SUCLG1: variants seen among roughly 807,000 people sequenced by gnomAD.
SUCLG1 encodes the protein succinate--CoA ligase [ADP/GDP-forming] subunit alpha, mitochondrial.
Under a neutral mutation model 37.3 loss-of-function variants are expected in SUCLG1, and 26 were observed. That is an observed-to-expected ratio of 0.70 (90% confidence interval 0.51 to 0.97). The LOEUF is 0.97. SUCLG1 is among the 50% of genes least tolerant of loss of function. The pLI is 0.00. For missense variants in SUCLG1, 433 were observed against 432.9 expected (o/e 1.00, Z 0.00); for synonymous variants, 163 against 155.6 (o/e 1.05, Z -0.36).
At chr2:84,448,780 A>G (rs891294325) in intron 2 of SUCLG1, 1 of 170,756 alleles carries the variant, frequency 5.9e-6, no homozygotes, top group Non-Finnish European at 1.4e-5. Flanking sequence ...TTAGGTATCT[A>G]TTTTATAGAA....
intron 7 of SUCLG1, among the ~76,000 whole-genome samples, chr2:84,430,472 AGTCATATC>A (rs1489822493): frequency 6.6e-6 from 1 of 152,224 alleles, no homozygotes; most frequent in African/African-American, 2.4e-5. Flanking sequence ...GGTAAACCTG[AGTCATATC>A]TAATATGGGA....
At chr2:84,457,226 T>C (rs535920528) in intron 1 of SUCLG1, among the ~76,000 whole-genome samples, 1 of 152,274 alleles carries the variant, frequency 6.6e-6, no homozygotes, top group South Asian at 2.1e-4. Flanking sequence ...ATTTTTCTAG[T>C]GGGAGTGAAA....
Position 84,433,383 on chromosome 2 carries a change from C to T in SUCLG1, c.642G>A (p.Thr214=), listed in dbSNP as rs202087262. The T allele has an allele frequency of 9.3e-6, 15 of 1,613,944 alleles. No homozygotes were observed. Among genetic ancestry groups the T allele is most frequent in the Non-Finnish European group, 1.7e-6 (2 of 1,179,872 alleles). The change falls in exon 6 of 9, where the codon ACG becomes ACA. Residue 214 remains threonine (T), a synonymous_variant. Coordinates refer to ENST00000393868, the MANE Select transcript of SUCLG1 (RefSeq NM_003849.4). ...ACAAAGACTGCCCCAATCCAACTTGCGTTGTTTGGTGAACTGCTTCATAAG... is the reference window on the plus strand; with the variant it reads ...ACAAAGACTGCCCCAATCCAACTTGTGTTGTTTGGTGAACTGCTTCATAAG... ...TLTYEAVHQT[T]QVGLGQSLCV... is the part of the protein sequence containing the mutation.
intron 1 of SUCLG1, among the ~76,000 whole-genome samples, chr2:84,452,258 ATG>A (rs1672953259): frequency 6.6e-6 from 1 of 152,124 alleles, no homozygotes; most frequent in African/African-American, 2.4e-5. Flanking sequence ...AAGTCTATGA[ATG>A]TGTAAGAGGT....
At chr2:84,443,231 C>T in intron 3 of SUCLG1, 53 bp downstream of exon 3, 1 of 1,471,088 alleles carries the variant, frequency 6.8e-7, no homozygotes, top group Non-Finnish European at 9.5e-7. Flanking sequence ...CCAAAGAATG[C>T]TCGCTCTTCC....
chr2:84,438,743 T>C (rs1672725479), intron 5 of SUCLG1, among the ~76,000 whole-genome samples: 1 of 152,194 alleles, frequency 6.6e-6, no homozygotes. Flanking sequence ...AAATTTTCTG[T>C]CTTACAAGAG....
intron 3 of SUCLG1, among the ~76,000 whole-genome samples, chr2:84,442,994 G>A (rs977848518): frequency 1.3e-5 from 2 of 152,204 alleles, no homozygotes; most frequent in East Asian, 3.8e-4. Flanking sequence ...GAAGAATTAA[G>A]GGGTGGTTGC....
At chr2:84,436,750 GT>G (rs1672692249) in intron 5 of SUCLG1, among the ~76,000 whole-genome samples, 2 of 152,156 alleles carry the variant, frequency 1.3e-5, no homozygotes, top group South Asian at 4.1e-4. Context: ...CTACCACCTG[GT>G]TCAGTAAAAG....
chr2:84,433,112 C>CT, intron 6 of SUCLG1: 1 of 563,936 alleles, frequency 1.8e-6, no homozygotes, highest in Non-Finnish European at 3.2e-6. Flanking sequence ...CACCAAGGTG[C>CT]TTCGGGAGCC....
At chr2:84,444,931 A>G (rs1378479591) in intron 2 of SUCLG1, among the ~76,000 whole-genome samples, 1 of 152,194 alleles carries the variant, frequency 6.6e-6, no homozygotes, top group East Asian at 1.9e-4. Flanking sequence ...TTCCCTGAAC[A>G]TTGCTGTTAT....
intron 2 of SUCLG1, among the ~76,000 whole-genome samples, chr2:84,447,596 T>C (rs1343946770): frequency 6.6e-6 from 1 of 152,038 alleles, no homozygotes; most frequent in Non-Finnish European, 1.5e-5. Flanking sequence ...CATATTAATA[T>C]ATAACAAAAA....
intron 8 of SUCLG1, among the ~76,000 whole-genome samples, chr2:84,424,655 G>A (rs112904328): frequency 3.2e-4 from 48 of 152,266 alleles, no homozygotes; most frequent in African/African-American, 1.2e-3. Flanking sequence ...GCATGCTTAA[G>A]AGGAGATTTT....
chr2:84,443,130 A>T (rs1672799624), intron 3 of SUCLG1, 154 bp downstream of exon 3: 4 of 761,566 alleles, frequency 5.3e-6, no homozygotes, highest in South Asian at 4.3e-5. Context: ...AAAATAACAC[A>T]CTGGTTTTGA....
At chr2:84,444,543 GGACC>G (rs1672819525) in intron 2 of SUCLG1, among the ~76,000 whole-genome samples, 1 of 152,208 alleles carries the variant, frequency 6.6e-6, no homozygotes, top group African/African-American at 2.4e-5. Context: ...CAGGACCACA[GGACC>G]GGGGCGAAAT....
At chr2:84,439,320 T>C (rs1334459946) in intron 5 of SUCLG1, among the ~76,000 whole-genome samples, 1 of 152,198 alleles carries the variant, frequency 6.6e-6, no homozygotes, top group Non-Finnish European at 1.5e-5. Flanking sequence ...TGATTTTCAT[T>C]TTTTAGGTTT....
chr2:84,436,901 T>C (rs1267929130), intron 5 of SUCLG1, among the ~76,000 whole-genome samples: 3 of 152,176 alleles, frequency 2.0e-5, no homozygotes, highest in African/African-American at 7.2e-5. Flanking sequence ...GGTAAACATA[T>C]ATGTTTACTA....
chr2:84,427,740 G>A (rs115117983), intron 7 of SUCLG1, among the ~76,000 whole-genome samples: 6 of 152,172 alleles, frequency 3.9e-5, no homozygotes, highest in African/African-American at 7.2e-5. Context: ...CAGTTCGTCT[G>A]CCAGTCATTC....
intron 7 of SUCLG1, among the ~76,000 whole-genome samples, chr2:84,429,424 G>A (rs558823517): frequency 7.2e-5 from 11 of 152,048 alleles, no homozygotes; most frequent in African/African-American, 2.4e-4. Flanking sequence ...CTGAACACAA[G>A]GGAATCTAAC....
chr2:84,433,584 G>A (rs919118719), intron 5 of SUCLG1, 149 bp from the exon 6 acceptor site: 11 of 701,316 alleles, frequency 1.6e-5, no homozygotes, highest in South Asian at 1.0e-4. Context: ...ATCTTCAAAC[G>A]ATGAAATGAA....
Sources: gnomAD v4.1 joint callset for allele counts (sites outside exome capture counted in the v4.1 genomes callset) on GRCh38, gnomAD v4.1.1 for gene constraint, MANE v1.5 for transcripts, NCBI Gene and HGNC (gene_info 2026-07-23, HGNC 2026-07-21) for gene names.